The following FILIP1 variants were observed in gnomAD, a reference collection of about 807,000 sequenced individuals.
The protein encoded by FILIP1 is filamin-A-interacting protein 1.
A neutral mutation model predicts 102.1 loss-of-function variants in FILIP1; 61 were observed. That is an observed-to-expected ratio of 0.60 (90% CI 0.49 to 0.74). The LOEUF is 0.74. Among genes scored for constraint, FILIP1 ranks in the 30% least tolerant of loss-of-function variants. The pLI, the probability that FILIP1 is intolerant of heterozygous loss-of-function variation, is 0.00. For missense variants in FILIP1, 1,314 were observed against 1,441.2 expected, an observed-to-expected ratio of 0.91 and a Z score of 1.43; for synonymous variants, 491 against 526.9, an observed-to-expected ratio of 0.93 and a Z score of 0.93.
At chr6:75,301,721 A>G (rs535637636) in intron 6 of FILIP1, among the ~76,000 whole-genome samples, 10 of 152,340 alleles carry the variant, frequency 6.6e-5, no homozygotes, top group African/African-American at 2.4e-4. Context: ...ATCATAAAAA[A>G]TTATAGCTCA....
chr6:75,422,116 T>C (rs1033929568), intron 1 of FILIP1, among the ~76,000 whole-genome samples: 1 of 152,164 alleles, frequency 6.6e-6, no homozygotes, highest in African/African-American at 2.4e-5. Context: ...ACAGTGGTGA[T>C]GACATAATGA....
chr6:75,393,797 T>C (rs1023782268), intron 2 of FILIP1, among the ~76,000 whole-genome samples: 2 of 152,234 alleles, frequency 1.3e-5, no homozygotes, highest in Non-Finnish European at 2.9e-5. Context: ...CTGTACTAGC[T>C]GCTTTCTGTT....
Position 75,331,366 on chromosome 6 carries a change from C to CT in FILIP1, c.630-16165dup, listed in dbSNP as rs553446148. On this transcript the variant is annotated intron_variant, in intron 4 of 5. Transcript: ENST00000237172. Reference sequence around the variant, plus strand: ...TGAGAGGGAACTCTCTGATTACACACTCTAGTATGAAGCTCCCTGACTCAT... The same window carrying CT: ...TGAGAGGGAACTCTCTGATTACACACTTCTAGTATGAAGCTCCCTGACTCAT... Among the ~76,000 whole-genome samples, 60 of 152,276 alleles carry CT rather than the reference C, an allele frequency of 3.9e-4. No homozygotes were observed. In the South Asian group the frequency reaches 7.2e-3, roughly 18 times the overall value.
At chr6:75,357,044 G>A (rs1157758966) in intron 3 of FILIP1, among the ~76,000 whole-genome samples, 6 of 152,096 alleles carry the variant, frequency 3.9e-5, no homozygotes, top group African/African-American at 1.4e-4. Context: ...TATTTTCCCT[G>A]TTTCTTCAGG....
At chr6:75,356,555 G>A (rs1002177157) in intron 3 of FILIP1, among the ~76,000 whole-genome samples, 4 of 150,604 alleles carry the variant, frequency 2.7e-5, no homozygotes, top group Admixed American at 6.7e-5. Context: ...TGCAACCTCC[G>A]CCTCCTCGGT....
chr6:75,296,341 TTGTG>T (rs57430339), intron 6 of FILIP1, among the ~76,000 whole-genome samples: 15,469 of 141,394 alleles, frequency 0.11, 880 homozygotes, highest in East Asian at 0.17. Flanking sequence ...TTCAATTTCT[TTGTG>T]TGTGTGTGTG....
At chr6:75,309,721 A>G (rs1033889348) in intron 5 of FILIP1, among the ~76,000 whole-genome samples, 2 of 152,116 alleles carry the variant, frequency 1.3e-5, no homozygotes, top group Non-Finnish European at 2.9e-5. Flanking sequence ...TAGTCCCCCT[A>G]AAGTTTCTCA....
intron 2 of FILIP1, among the ~76,000 whole-genome samples, chr6:75,398,436 C>T (rs1776538441): frequency 1.3e-5 from 2 of 152,132 alleles, no homozygotes; most frequent in South Asian, 4.1e-4. Context: ...ACAGGAGCTT[C>T]AGAACAAACC....
Position 75,313,149 on chromosome 6 carries a change from CTGGACT to C in FILIP1, c.2677_2682del (p.Ser893_Pro894del). On this transcript the variant is annotated inframe_deletion, in exon 5 of 6. Transcript: ENST00000237172. This position sits in a 1 kb window ranked among gnomAD's most constrained non-coding sequence, Gnocchi z 4.2. Reference sequence around the variant, plus strand: ...GAAAGGACTACCTCTCCTGGGTGCCCTGGACTGGAATTTGTTCGGGGCCCTTTCTCC... The same window carrying C: ...GAAAGGACTACCTCTCCTGGGTGCCCGGAATTTGTTCGGGGCCCTTTCTCC... The C allele has an allele frequency of 6.2e-7, 1 of 1,614,174 alleles. No individual in the cohort carries two copies.
chr6:75,328,854 T>G (rs1366968083), intron 4 of FILIP1, among the ~76,000 whole-genome samples: 1 of 152,268 alleles, frequency 6.6e-6, no homozygotes, highest in Non-Finnish European at 1.5e-5. Context: ...CAGTCTCAGC[T>G]CCCTTGGCCT....
downstream of FILIP1, among the ~76,000 whole-genome samples, chr6:75,306,042 C>T (rs1772975877): frequency 6.6e-6 from 1 of 152,212 alleles, no homozygotes; most frequent in Non-Finnish European, 1.5e-5. Flanking sequence ...ATTTGTGGTA[C>T]ATTTAGTTCA....
downstream of FILIP1, among the ~76,000 whole-genome samples, chr6:75,306,705 T>C (rs13220419): frequency 0.28 from 42,171 of 151,656 alleles, 6,222 homozygotes; most frequent in East Asian, 0.44. Context: ...GACCTTGAAA[T>C]CCCATTACTA....
At chr6:75,401,333 T>C (rs1776650009) in intron 2 of FILIP1, among the ~76,000 whole-genome samples, 2 of 152,176 alleles carry the variant, frequency 1.3e-5, no homozygotes, top group Admixed American at 6.6e-5. Flanking sequence ...TCTTTAACCA[T>C]GTCTTGTTTT....
At chr6:75,345,186 A>C (rs1774535663) in intron 4 of FILIP1, among the ~76,000 whole-genome samples, 1 of 152,120 alleles carries the variant, frequency 6.6e-6, no homozygotes, top group African/African-American at 2.4e-5. Context: ...ATTTTTGCTC[A>C]AGCCCTCCCT....
In FILIP1 at chr6:75,357,907, T is replaced by G. The variant is rs77683280; in HGVS notation, c.451-4190A>C. ...CTGTAGATTCATTAATCATAGATAC[T>G]ATATGTACATGGCTTTTGGTTTTCA... On this transcript the variant is annotated intron_variant, in intron 3 of 5. Coordinates refer to ENST00000237172, the MANE Select transcript of FILIP1 (RefSeq NM_015687.5). Among the ~76,000 whole-genome samples the G allele has an allele frequency of 7.2e-3, 1,090 of 152,334 alleles. 37 individuals are homozygous for G. In the East Asian group the frequency reaches 0.11, roughly 15 times the overall value.
intron 2 of FILIP1, among the ~76,000 whole-genome samples, chr6:75,394,527 C>T (rs1415316308): frequency 6.6e-6 from 1 of 152,052 alleles, no homozygotes; most frequent in East Asian, 1.9e-4. Context: ...ATATTTGATT[C>T]ACAGCTTGTA....
intron 6 of FILIP1, chr6:75,295,960 GA>G (rs747813660): frequency 4.2e-6 from 6 of 1,434,748 alleles, no homozygotes; most frequent in Non-Finnish European, 4.5e-6. Flanking sequence ...TCTATAAAGA[GA>G]AAAAAGACAT....
intron 1 of FILIP1, among the ~76,000 whole-genome samples, chr6:75,434,248 G>A (rs1215661602): frequency 6.6e-6 from 1 of 152,142 alleles, no homozygotes; most frequent in Non-Finnish European, 1.5e-5. Context: ...AGCTTGATGG[G>A]GATGGCATAG....
At position 75,312,840 on chromosome 6, in the gene FILIP1, C is replaced by T. The variant is rs962312690; in HGVS notation, c.2992G>A (p.Ala998Thr). 2.5e-5 allele frequency: 41 copies of T among 1,614,006 alleles called. No individual in the cohort carries two copies. Among genetic ancestry groups the T allele is most frequent in the Middle Eastern group, 1.6e-4 (1 of 6,082 alleles). Residue 998 changes from alanine (A) to threonine (T), a missense_variant, in exon 5 of 6, where the codon GCA (alanine) becomes ACA (threonine). By Grantham distance (58) the Ala-to-Thr change is moderately conservative (BLOSUM62 0). Around this residue, in one of 3 missense-constraint regions of FILIP1, gnomAD observed 816 missense variants for 913.1 expected, o/e 0.89. Coordinates refer to ENST00000237172, the MANE Select transcript of FILIP1 (RefSeq NM_015687.5). ...GGGGATGTGGGCCTGTCTGCAAATGCGCCTCTTCCACTTTCTGGAGTCTTC... is the reference window on the plus strand; with the variant it reads ...GGGGATGTGGGCCTGTCTGCAAATGTGCCTCTTCCACTTTCTGGAGTCTTC... Reference protein sequence around the residue: ...REKTPESGRGAFADRPTSPIQ... With the variant: ...REKTPESGRGTFADRPTSPIQ...
Sources: gnomAD v4.1 joint callset for allele counts (sites outside exome capture counted in the v4.1 genomes callset) on GRCh38, gnomAD v4.1.1 for gene constraint, gnomAD v4.1.1 regional missense constraint, Gnocchi (gnomAD v3.1) non-coding constraint, MANE v1.5 for transcripts, NCBI Gene and HGNC (gene_info 2026-07-23, HGNC 2026-07-21) for gene names.